The following INPP4A variants were observed in gnomAD, a reference collection of about 807,000 sequenced individuals.
The protein encoded by INPP4A is inositol polyphosphate-4-phosphatase, type I, 107kD.
INPP4A carries 33 observed loss-of-function variants against 119.8 expected under a neutral mutation model. The ratio of observed to expected loss-of-function variants is 0.28; its 90% confidence interval spans 0.21 to 0.37. The LOEUF (loss-of-function observed/expected upper bound fraction) is 0.37, where lower values mean the gene tolerates loss of function less well. Ranked by LOEUF, INPP4A falls within the 10% of genes least tolerant of loss-of-function variation. INPP4A has a pLI of 1.00. For synonymous variants in INPP4A, 496 were observed against 500.7 expected, an observed-to-expected ratio of 0.99 and a Z score of 0.12; for missense variants, 956 against 1,289.9, an observed-to-expected ratio of 0.74 and a Z score of 3.97.
At chr2:98,471,069 A>G (rs1558895776) in intron 1 of INPP4A, among the ~76,000 whole-genome samples, 1 of 152,248 alleles carries the variant, frequency 6.6e-6, no homozygotes, top group Non-Finnish European at 1.5e-5. Context: ...TTCAGAAACC[A>G]GAATGGTTTG....
chr2:98,538,703 A>G (rs1040177522), intron 8 of INPP4A, among the ~76,000 whole-genome samples, 188 bp from the exon 9 acceptor site: 6 of 152,252 alleles, frequency 3.9e-5, no homozygotes, highest in Non-Finnish European at 8.8e-5. Context: ...TTGTGTGCGC[A>G]TGAAGTGATT....
intron 4 of INPP4A, among the ~76,000 whole-genome samples, chr2:98,531,120 C>T (rs950596875): frequency 2.0e-5 from 3 of 152,190 alleles, no homozygotes; most frequent in African/African-American, 7.2e-5. Flanking sequence ...AAAGGCCCCA[C>T]CCCTAATACC....
chr2:98,544,045 GCACACACA>G, intron 11 of INPP4A, 38 bp downstream of exon 11: 2 of 1,441,350 alleles, frequency 1.4e-6, no homozygotes, highest in Non-Finnish European at 9.4e-7. Context: ...ACACGCGTGC[GCACACACA>G]CACACACACA....
chr2:98,549,611 C>T lies in INPP4A; in HGVS notation c.1163+2917C>T, dbSNP rs564972258. 2.0e-5 allele frequency among the ~76,000 whole-genome samples: 3 copies of T among 152,272 alleles called. No homozygotes were observed. In the South Asian group the frequency reaches 6.2e-4, roughly 32 times the overall value. Reference sequence around the variant, plus strand: ...AGAGGCTCTGCAGTGGTGCTTCATTCAGAGGCACCTGCAGCCCCTCAAGAA... The same window carrying T: ...AGAGGCTCTGCAGTGGTGCTTCATTTAGAGGCACCTGCAGCCCCTCAAGAA... On this transcript the variant is annotated intron_variant, in intron 13 of 24. Coordinates refer to ENST00000409851, the MANE Select transcript of INPP4A (RefSeq NM_001134225.2).
intron 17 of INPP4A, among the ~76,000 whole-genome samples, chr2:98,562,305 G>A (rs1156643515): frequency 1.3e-5 from 2 of 152,224 alleles, no homozygotes; most frequent in African/African-American, 4.8e-5. Flanking sequence ...AACACTGAGT[G>A]TAGGGAATTC....
rs1363774613 is a variant in INPP4A at position 98,533,387 on chromosome 2, G to A, written c.162G>A (p.Glu54=). The change falls in exon 5 of 25, where the codon GAG becomes GAA. Residue 54 remains glutamate, a synonymous_variant. Transcript: ENST00000409851. ...GTGTTGATTCTGTAGCTTGCAGTGA[G>A]CTGCATACTCCATCGCTAGATCGAA... is the stretch of plus-strand genomic sequence containing the variant. The part of the protein sequence containing the change: ...PILEFSLACS[E]LHTPSLDRKP... 38 of 1,610,374 alleles carry A rather than the reference G, an allele frequency of 2.4e-5. No individual in the cohort carries two copies. Among genetic ancestry groups the A allele is most frequent in the Non-Finnish European group, 3.1e-5 (37 of 1,177,298 alleles).
At position 98,537,720 on chromosome 2, in the gene INPP4A, C is replaced by G. The variant is rs1026024501; in HGVS notation, c.468-143C>G. On this transcript the variant is annotated intron_variant, in intron 7 of 24. Transcript: ENST00000409851. The stretch of plus-strand genomic sequence containing the variant: ...TCGCCTGAGAGGAGCCCTGTGTGCA[C>G]AGTGAATGCTGACTGACTGGTCAGT... The G allele has an allele frequency of 2.5e-5, 16 of 645,506 alleles. No homozygotes were observed. The South Asian group carries it at 2.6e-4, about 10-fold the overall frequency. 40.0% of individuals were successfully genotyped at this position (645,506 alleles called of 1,614,324 possible). A position where few individuals can be genotyped will look rare whatever the true frequency, so the allele number is the denominator to read the frequency against.
chr2:98,515,550 G>T (rs915248402), intron 1 of INPP4A, among the ~76,000 whole-genome samples: 21 of 152,072 alleles, frequency 1.4e-4, no homozygotes, highest in African/African-American at 3.6e-4. Context: ...ATCTCCATGT[G>T]ACCTTGAAAA....
chr2:98,568,886 A>T (rs372261871), intron 22 of INPP4A: 2 of 501,754 alleles, frequency 4.0e-6, no homozygotes, highest in Non-Finnish European at 7.2e-6. Flanking sequence ...CTACTAGCCT[A>T]TGTGACATGG....
intron 1 of INPP4A, among the ~76,000 whole-genome samples, chr2:98,459,491 A>T (rs868422809): frequency 6.6e-6 from 1 of 152,188 alleles, no homozygotes; most frequent in Non-Finnish European, 1.5e-5. Context: ...TTGGTGTGCA[A>T]CTGGTTAATA....
chr2:98,490,908 C>A (rs150816662), intron 1 of INPP4A, among the ~76,000 whole-genome samples: 1 of 152,286 alleles, frequency 6.6e-6, no homozygotes, highest in East Asian at 1.9e-4. Context: ...TGGACTCTTT[C>A]TGCTTTGAAA....
chr2:98,481,179 G>A (rs1038519499), intron 1 of INPP4A, among the ~76,000 whole-genome samples: 21 of 152,142 alleles, frequency 1.4e-4, no homozygotes, highest in African/African-American at 2.2e-4. Context: ...CATCTGACAC[G>A]TCCCTCTCAA....
chr2:98,502,685 C>T (rs1374616355), intron 1 of INPP4A, among the ~76,000 whole-genome samples: 1 of 152,234 alleles, frequency 6.6e-6, no homozygotes, highest in East Asian at 1.9e-4. Flanking sequence ...TCCATGGAAA[C>T]AGCACCACAA....
intron 1 of INPP4A, among the ~76,000 whole-genome samples, chr2:98,463,354 A>G (rs965875161): frequency 2.0e-5 from 3 of 152,182 alleles, no homozygotes; most frequent in African/African-American, 7.2e-5. Context: ...GGAAGTCTAC[A>G]TTTCAGCTGT....
intron 16 of INPP4A, among the ~76,000 whole-genome samples, chr2:98,558,612 A>T (rs2106271817): frequency 6.6e-6 from 1 of 152,246 alleles, no homozygotes; most frequent in Non-Finnish European, 1.5e-5. Flanking sequence ...GTTCTTGGGG[A>T]TCCGAGACCA....
intron 1 of INPP4A, among the ~76,000 whole-genome samples, chr2:98,470,496 G>A (rs1422436388): frequency 6.6e-6 from 1 of 152,202 alleles, no homozygotes; most frequent in Non-Finnish European, 1.5e-5. Flanking sequence ...AGGCCTGGTG[G>A]GGCCTTTCGC....
chr2:98,475,334 CAGGGAGTTATT>C (rs1418046072), intron 1 of INPP4A, among the ~76,000 whole-genome samples: 2 of 152,090 alleles, frequency 1.3e-5, no homozygotes, highest in Non-Finnish European at 2.9e-5. Context: ...GGATTTAAGC[CAGGGAGTTATT>C]AGCCCATTAG....
At position 98,537,933 on chromosome 2, in the gene INPP4A, C is replaced by T. The variant is rs764715229; in HGVS notation, c.538C>T (p.Arg180Trp). ...GWQMEEKSDQ[R>W]PPVTRSVDTV... is the part of the protein sequence containing the mutation. ...GCAGATGGAGGAGAAGTCAGACCAACGGCCCCCTGTGACCCGGTCTGTGGA... is the reference window on the plus strand; with the variant it reads ...GCAGATGGAGGAGAAGTCAGACCAATGGCCCCCTGTGACCCGGTCTGTGGA... Residue 180 changes from arginine to tryptophan, a missense_variant, in exon 8 of 25, where the codon CGG (arginine) becomes TGG (tryptophan). This residue lies in a region of INPP4A where 652 missense variants were observed against 797.9 expected (regional missense o/e 0.82). Transcript: ENST00000409851. The T allele has an allele frequency of 1.1e-5, 18 of 1,612,838 alleles. No homozygotes were observed. The highest frequency in any genetic ancestry group is 3.3e-5 in the Admixed American group (2 of 59,924).
rs145132165 is a variant in INPP4A at position 98,489,664 on chromosome 2, G to T, written c.-165-29300G>T. Among the ~76,000 whole-genome samples the T allele has an allele frequency of 1.3e-4, 20 of 152,264 alleles. No homozygotes were observed. The East Asian group carries it at 2.3e-3, about 18-fold the overall frequency. On this transcript the variant is annotated intron_variant, in intron 1 of 24. Coordinates refer to ENST00000409851, the MANE Select transcript of INPP4A (RefSeq NM_001134225.2). ...ACAGTCCCATTCTGAGGGGAATTTGGCCTTAATGCTTCCTCTTTGGCATAG... is the reference window on the plus strand; with the variant it reads ...ACAGTCCCATTCTGAGGGGAATTTGTCCTTAATGCTTCCTCTTTGGCATAG...
Sources: allele counts gnomAD v4.1 joint callset (sites outside exome capture counted in the v4.1 genomes callset), GRCh38; gene constraint gnomAD v4.1.1; regional missense constraint gnomAD v4.1.1; transcripts MANE v1.5; gene names NCBI Gene and HGNC (gene_info 2026-07-23, HGNC 2026-07-21).